The following ZBED6 variants were observed in gnomAD, a reference collection of about 807,000 sequenced individuals.
ZBED6 encodes zinc finger BED domain-containing protein 6.
In ZBED6, 40 loss-of-function variants were observed where a neutral mutation model predicts 58.4. The observed-to-expected ratio is 0.68, with a 90% CI of 0.53 to 0.89. The LOEUF (loss-of-function observed/expected upper bound fraction) is 0.89, where lower values mean the gene tolerates loss of function less well. Among genes scored for constraint, ZBED6 ranks in the 40% least tolerant of loss-of-function variants. The pLI is 0.00. For synonymous variants in ZBED6, 439 were observed against 350.6 expected (o/e 1.25, Z -2.82); for missense variants, 1,057 against 1,003.9 (o/e 1.05, Z -0.71).
chr1:203,808,330 CT>C (rs1673081280), intron 1 of ZBED6, among the ~76,000 whole-genome samples: 1 of 151,960 alleles, frequency 6.6e-6, no homozygotes, highest in South Asian at 2.1e-4. Context: ...ATTTTCTTTC[CT>C]TTGTTGTCAA....
At chr1:203,829,589 A>G in exon 5 of ZBED6, 1 of 1,614,164 alleles carries the variant, frequency 6.2e-7, no homozygotes, top group Non-Finnish European at 8.5e-7. Flanking sequence ...AGTTCCGAAA[A>G]TGTTCCTAGC....
chr1:203,846,115 CAAAA>C (rs34793133), intron 11 of ZBED6, among the ~76,000 whole-genome samples: 3 of 53,178 alleles, frequency 5.6e-5, no homozygotes, highest in Non-Finnish European at 3.6e-5. Flanking sequence ...TCGTCTTTAC[CAAAA>C]AAAAAAAAAA....
intron 11 of ZBED6, among the ~76,000 whole-genome samples, chr1:203,841,139 A>C (rs949865942): frequency 6.8e-6 from 1 of 147,474 alleles, no homozygotes; most frequent in Non-Finnish European, 1.5e-5. Flanking sequence ...GCAACATAAG[A>C]ATCTTTTTTT....
chr1:203,850,896 T>TA (rs1689090627), intron 15 of ZBED6, among the ~76,000 whole-genome samples, 161 bp from the exon 16 acceptor site: 1 of 152,246 alleles, frequency 6.6e-6, no homozygotes, highest in African/African-American at 2.4e-5. Flanking sequence ...GGTGGCAAGA[T>TA]ATTTTGCTTA....
intron 1 of ZBED6, among the ~76,000 whole-genome samples, chr1:203,808,490 A>C (rs1042404144): frequency 1.3e-5 from 2 of 152,226 alleles, no homozygotes; most frequent in Non-Finnish European, 2.9e-5. Flanking sequence ...CAAGTCCATC[A>C]AATTTAAGGA....
At chr1:203,822,474 G>A (rs1254642027) in intron 3 of ZBED6, among the ~76,000 whole-genome samples, 1 of 151,926 alleles carries the variant, frequency 6.6e-6, no homozygotes, top group East Asian at 1.9e-4. Flanking sequence ...ACACCTTTGG[G>A]CTGTGATACT....
At chr1:203,817,698 T>C (rs1373091679) in intron 2 of ZBED6, among the ~76,000 whole-genome samples, 3 of 152,104 alleles carry the variant, frequency 2.0e-5, no homozygotes, top group African/African-American at 4.8e-5. Flanking sequence ...ATTTTATGAC[T>C]AATTCTATAA....
intron 14 of ZBED6, 82 bp from the exon 15 acceptor site, chr1:203,850,433 G>A: frequency 1.3e-6 from 2 of 1,555,726 alleles, no homozygotes; most frequent in Middle Eastern, 1.7e-4. Context: ...TACTGAAGGA[G>A]TTTTGATATT....
chr1:203,845,077 C>T lies in ZBED6; in HGVS notation c.*3742-2107C>T, dbSNP rs535917615. On this transcript the variant is annotated intron_variant, in intron 11 of 16. Coordinates refer to ENST00000550078, the Ensembl canonical transcript of ZBED6. ...TTAGTTAACCCAAGTTTGACAGTTT[C>T]CTTTGACTGTATTGGGAGGAACAGA... 3.5e-4 allele frequency among the ~76,000 whole-genome samples: 53 copies of T among 152,112 alleles called. No homozygotes were observed. In the South Asian group the frequency reaches 0.011, roughly 32 times the overall value.
intron 11 of ZBED6, among the ~76,000 whole-genome samples, chr1:203,844,204 C>T (rs1332762564): frequency 6.6e-6 from 1 of 151,604 alleles, no homozygotes; most frequent in Admixed American, 6.6e-5. Flanking sequence ...CACTCTCATC[C>T]AGGCTGGAGT....
At position 203,797,698 on chromosome 1, in the gene ZBED6, CT is replaced by C; in HGVS notation, c.177del (p.Ala60LeufsTer20). The C allele has an allele frequency of 6.5e-7, 1 of 1,535,156 alleles. No individual in the cohort carries two copies. Among genetic ancestry groups the C allele is most frequent in the Non-Finnish European group, 8.7e-7 (1 of 1,146,752 alleles). On this transcript the variant is annotated frameshift_variant, in exon 1 of 17. Transcript: ENST00000550078. LOFTEE classifies it high-confidence loss of function. ...GGAGTGAATAAAGAGGCAAAACAGC[CT>C]GCTAAAAAGAAAAGAAAGAAGGGTT...
intron 2 of ZBED6, among the ~76,000 whole-genome samples, chr1:203,817,993 C>T (rs764367487): frequency 1.4e-4 from 21 of 152,046 alleles, no homozygotes; most frequent in African/African-American, 2.6e-4. Context: ...GTGATCTGCC[C>T]GCCTCGGCCT....
chr1:203,819,119 CGTGT>C (rs1558111105), intron 3 of ZBED6, among the ~76,000 whole-genome samples: 116 of 141,060 alleles, frequency 8.2e-4, no homozygotes, highest in African/African-American at 3.0e-3. Context: ...CACACACACA[CGTGT>C]ATATATACAT....
intron 10 of ZBED6, among the ~76,000 whole-genome samples, chr1:203,839,896 C>T (rs1321655101): frequency 2.6e-5 from 4 of 152,062 alleles, no homozygotes; most frequent in Admixed American, 6.5e-5. Flanking sequence ...CTCCACCTCC[C>T]GGGTTCAAAC....
chr1:203,852,391 G>A (rs767274925), exon 17 of ZBED6: 74 of 1,613,586 alleles, frequency 4.6e-5, no homozygotes, highest in Non-Finnish European at 6.1e-5. Flanking sequence ...AGAAATGATT[G>A]ATAGCTGAAG....
chr1:203,835,413 T>G (rs1572228440), intron 9 of ZBED6, among the ~76,000 whole-genome samples: 2 of 152,300 alleles, frequency 1.3e-5, no homozygotes, highest in African/African-American at 4.8e-5. Flanking sequence ...ATACAGTCAT[T>G]TACGAAAAAA....
chr1:203,827,649 T>C (rs966258915), intron 3 of ZBED6, among the ~76,000 whole-genome samples: 4 of 149,638 alleles, frequency 2.7e-5, no homozygotes, highest in African/African-American at 9.9e-5. Flanking sequence ...GCCACTGCAC[T>C]CCAGCCTGGG....
intron 3 of ZBED6, 55 bp downstream of exon 3, chr1:203,818,744 A>G (rs1572068986): frequency 1.2e-6 from 2 of 1,610,920 alleles, no homozygotes; most frequent in Non-Finnish European, 1.7e-6. Flanking sequence ...TGGTGGGCCA[A>G]TAAAAAATAT....
In ZBED6 at chr1:203,824,811, G is replaced by T. The variant is rs541171240; in HGVS notation, c.*2874-3488G>T. Among the ~76,000 whole-genome samples, 6 of 152,312 alleles carry T rather than the reference G, an allele frequency of 3.9e-5. No individual in the cohort carries two copies. In the East Asian group the frequency reaches 1.2e-3, roughly 29 times the overall value. On this transcript the variant is annotated intron_variant, in intron 3 of 16. Coordinates refer to ENST00000550078, the Ensembl canonical transcript of ZBED6. ...AATAGATTGTTAGGCCGGACACGGT[G>T]GCTCACGCCTGTAATCCCAGCACTT...
Sources: allele counts gnomAD v4.1 joint callset (sites outside exome capture counted in the v4.1 genomes callset), GRCh38; gene constraint gnomAD v4.1.1; transcripts MANE v1.5; gene names NCBI Gene and HGNC (gene_info 2026-07-23, HGNC 2026-07-21).